Variants in RCSD1 observed in about 807,000 individuals in gnomAD.
RCSD1 encodes RCSD domain containing 1.
Under a neutral mutation model 42.5 loss-of-function variants are expected in RCSD1, and 26 were observed. The observed-to-expected ratio is 0.61, with a 90% CI of 0.45 to 0.85. RCSD1 has a LOEUF of 0.85. Ranked by LOEUF, RCSD1 falls within the 40% of genes least tolerant of loss-of-function variation. The probability of loss-of-function intolerance (pLI) is 0.00; values close to 1 mark genes in which losing one functional copy is unlikely to be tolerated. For synonymous variants in RCSD1, 220 were observed against 212.2 expected (o/e 1.04, Z -0.32); for missense variants, 571 against 528.3 (o/e 1.08, Z -0.79).
At chr1:167,685,601 T>C (rs776959132) in intron 3 of RCSD1, 91 bp downstream of exon 3, 1 of 984,542 alleles carries the variant, frequency 1.0e-6, no homozygotes, top group Non-Finnish European at 1.6e-6. Flanking sequence ...ACCAAACTCA[T>C]ACTTTAAAGC....
chr1:167,648,464 C>T (rs1658219709), intron 1 of RCSD1, among the ~76,000 whole-genome samples: 1 of 152,120 alleles, frequency 6.6e-6, no homozygotes, highest in Non-Finnish European at 1.5e-5. Context: ...GCAGGCTCAG[C>T]GAGATGTGCC....
intron 1 of RCSD1, among the ~76,000 whole-genome samples, chr1:167,658,175 G>T (rs1658463079): frequency 6.6e-6 from 1 of 152,144 alleles, no homozygotes; most frequent in Non-Finnish European, 1.5e-5. Flanking sequence ...GCTTCCACCA[G>T]ATCAGCCCCC....
intron 1 of RCSD1, among the ~76,000 whole-genome samples, chr1:167,654,124 T>C (rs1658370510): frequency 6.6e-6 from 1 of 152,226 alleles, no homozygotes; most frequent in Non-Finnish European, 1.5e-5. Flanking sequence ...AAGCATGGTA[T>C]TGGGCACATG....
intron 1 of RCSD1, among the ~76,000 whole-genome samples, chr1:167,683,607 G>T (rs150546957): frequency 1.3e-5 from 2 of 152,242 alleles, no homozygotes; most frequent in East Asian, 3.9e-4. Flanking sequence ...CTTGAGGAAT[G>T]AGAAAATTGG....
In RCSD1 at chr1:167,630,290, C is replaced by A; in HGVS notation, c.-134C>A. The A allele has an allele frequency of 9.9e-7, 1 of 1,013,670 alleles. No individual in the cohort carries two copies. The highest frequency in any genetic ancestry group is 4.8e-5 in the South Asian group (1 of 20,928). 62.8% of individuals were successfully genotyped at this position (1,013,670 alleles called of 1,614,324 possible). ...CCGCAGCCGAGCGCAGCCGGGCGCG[C>A]GCCACCGCCCACTCGCCCTGTGCCC... On this transcript the variant is annotated 5_prime_UTR_variant, in exon 1 of 7. Transcript: ENST00000367854.
In RCSD1 at chr1:167,667,842, G is replaced by T. The variant is rs1379146325; in HGVS notation, c.7-16058G>T. ...CTCACAATGTTGCCCCAGTGGTATT[G>T]GTTTACGGAGGCATCATTCATTTAT... On this transcript the variant is annotated intron_variant, in intron 1 of 6. Transcript: ENST00000367854. 3.3e-5 allele frequency among the ~76,000 whole-genome samples: 5 copies of T among 152,116 alleles called. No homozygotes were observed. The South Asian group carries it at 1.0e-3, about 32-fold the overall frequency.
chr1:167,682,668 AGT>A (rs10607777), intron 1 of RCSD1, among the ~76,000 whole-genome samples: 23,790 of 142,378 alleles, frequency 0.17, 1,968 homozygotes, highest in Non-Finnish European at 0.19. Flanking sequence ...GCCATGGAAG[AGT>A]GTGTGTGTGT....
intron 1 of RCSD1, among the ~76,000 whole-genome samples, chr1:167,652,440 A>G (rs1447824231): frequency 1.3e-5 from 2 of 152,208 alleles, no homozygotes; most frequent in Non-Finnish European, 2.9e-5. Flanking sequence ...GGGCCCAGAT[A>G]CTTGAGTGTA....
rs535177227 is a variant in RCSD1, at chr1:167,687,395, C to A, written c.198+1885C>A. ...AAAAATTAGCAGGCGTGGTGGCAGG[C>A]GCCTGTAGTCCCAGCTACTCGAGAG... On this transcript the variant is annotated intron_variant, in intron 3 of 6. Transcript: ENST00000367854. Among the ~76,000 whole-genome samples, 22 of 152,066 alleles carry A rather than the reference C, an allele frequency of 1.4e-4. No individual in the cohort carries two copies. The South Asian group carries it at 2.7e-3, about 19-fold the overall frequency.
chr1:167,692,616 C>G (rs975091621), intron 4 of RCSD1, among the ~76,000 whole-genome samples: 8 of 152,142 alleles, frequency 5.3e-5, no homozygotes, highest in African/African-American at 1.2e-4. Flanking sequence ...CCACCTCAGC[C>G]TCCTGTGTAG....
At chr1:167,683,000 G>A (rs921798645) in intron 1 of RCSD1, among the ~76,000 whole-genome samples, 6 of 152,152 alleles carry the variant, frequency 3.9e-5, no homozygotes, top group African/African-American at 1.2e-4. Flanking sequence ...GAAACGAACT[G>A]GCCATTTCCA....
chr1:167,676,327 A>G (rs1435292371), intron 1 of RCSD1, among the ~76,000 whole-genome samples: 1 of 152,194 alleles, frequency 6.6e-6, no homozygotes, highest in African/African-American at 2.4e-5. Flanking sequence ...CCTGCCATCC[A>G]TGGAAGAAGG....
intron 1 of RCSD1, among the ~76,000 whole-genome samples, chr1:167,661,630 G>A (rs1238003652): frequency 6.6e-6 from 1 of 152,250 alleles, no homozygotes; most frequent in Non-Finnish European, 1.5e-5. Flanking sequence ...CCACTAGGAA[G>A]TGGATGTGGA....
chr1:167,642,693 A>G (rs1285642902), intron 1 of RCSD1, among the ~76,000 whole-genome samples: 2 of 152,346 alleles, frequency 1.3e-5, no homozygotes, highest in South Asian at 2.1e-4. Context: ...CTATGTGAGC[A>G]GCATGGAATT....
At chr1:167,635,507 C>CGCA (rs1657817748) in intron 1 of RCSD1, among the ~76,000 whole-genome samples, 1 of 152,194 alleles carries the variant, frequency 6.6e-6, no homozygotes, top group South Asian at 2.1e-4. Flanking sequence ...GAGCCTGATC[C>CGCA]GCAGCGTGGC....
chr1:167,700,492 C>CA (rs1479018294), intron 6 of RCSD1, among the ~76,000 whole-genome samples: 6 of 150,752 alleles, frequency 4.0e-5, no homozygotes, highest in Middle Eastern at 3.4e-3. Context: ...ACTAAAAATA[C>CA]AAAAAAAAAT....
At chr1:167,646,694 T>C (rs1658157167) in intron 1 of RCSD1, among the ~76,000 whole-genome samples, 1 of 152,116 alleles carries the variant, frequency 6.6e-6, no homozygotes, top group South Asian at 2.1e-4. Context: ...TGCCTAGGCG[T>C]CATCCCCAGG....
intron 1 of RCSD1, among the ~76,000 whole-genome samples, chr1:167,653,321 G>A (rs1198501725): frequency 6.6e-6 from 1 of 152,166 alleles, no homozygotes; most frequent in East Asian, 1.9e-4. Flanking sequence ...ATTTTCCTTA[G>A]CAAGCTTCTA....
intron 1 of RCSD1, among the ~76,000 whole-genome samples, chr1:167,639,173 C>A (rs142259661): frequency 6.6e-6 from 1 of 152,110 alleles, no homozygotes; most frequent in African/African-American, 2.4e-5. Flanking sequence ...GCAGAGATCA[C>A]GCCACTGCAC....
Sources: gnomAD v4.1 joint callset for allele counts (sites outside exome capture counted in the v4.1 genomes callset) on GRCh38, gnomAD v4.1.1 for gene constraint, MANE v1.5 for transcripts, NCBI Gene and HGNC (gene_info 2026-07-23, HGNC 2026-07-21) for gene names.